KIF2A: variants seen among roughly 807,000 people sequenced by gnomAD.
KIF2A encodes kinesin-like protein KIF2A.
In KIF2A, 22 loss-of-function variants were observed where a neutral mutation model predicts 100.2. That is an observed-to-expected ratio of 0.22 (90% CI 0.16 to 0.31). The LOEUF (loss-of-function observed/expected upper bound fraction) is 0.31, where lower values mean the gene tolerates loss of function less well. Ranked by LOEUF, KIF2A falls within the 10% of genes least tolerant of loss-of-function variation. KIF2A has a pLI of 1.00. For missense variants in KIF2A, 495 were observed against 898.7 expected (o/e 0.55, Z 5.74); for synonymous variants, 268 against 285.9 (o/e 0.94, Z 0.63).
At position 62,385,779 on chromosome 5, in the gene KIF2A, G is replaced by A. The variant is rs1365526806; in HGVS notation, c.*210G>A. The A allele has an allele frequency of 1.9e-6, 1 of 529,828 alleles. No individual in the cohort carries two copies. The highest frequency in any genetic ancestry group is 3.4e-6 in the Non-Finnish European group (1 of 295,346). The allele number at this position is 529,828 out of a possible 1,614,324, so 32.8% of individuals were successfully genotyped here. A position where few individuals can be genotyped will look rare whatever the true frequency, so the allele number is the denominator to read the frequency against. On this transcript the variant is annotated 3_prime_UTR_variant, in exon 21 of 21. Coordinates refer to ENST00000407818, the MANE Select transcript of KIF2A (RefSeq NM_001098511.3). The stretch of plus-strand genomic sequence containing the variant: ...GGCACAACCAAGAACTGGGATTAAT[G>A]AAGCATTTTGTTTCATTTACACAAA...
chr5:62,352,375 G>A (rs1347575343), intron 4 of KIF2A, among the ~76,000 whole-genome samples: 2 of 151,916 alleles, frequency 1.3e-5, no homozygotes, highest in South Asian at 2.1e-4. Context: ...AAGTCTGCAC[G>A]TATTACTTTG....
intron 1 of KIF2A, among the ~76,000 whole-genome samples, chr5:62,326,828 T>C (rs988423116): frequency 6.6e-6 from 1 of 152,032 alleles, no homozygotes; most frequent in African/African-American, 2.4e-5. Context: ...AAACTCCCTC[T>C]TTACAAAAAA....
rs952874034 is a variant in KIF2A at position 62,307,888 on chromosome 5, G to T, written c.64+1352G>T. The stretch of plus-strand genomic sequence containing the variant: ...CTGCCTCGGCCTCCCAATGTGCTGG[G>T]ATTACAGGCGTGAGCCATCGCGCCT... On this transcript the variant is annotated intron_variant, in intron 1 of 20. Transcript: ENST00000407818. Among the ~76,000 whole-genome samples, 5 of 152,138 alleles carry T rather than the reference G, an allele frequency of 3.3e-5. No homozygotes were observed. The South Asian group carries it at 1.0e-3, about 31-fold the overall frequency.
At chr5:62,322,983 G>A (rs1272936603) in intron 1 of KIF2A, among the ~76,000 whole-genome samples, 6 of 138,910 alleles carry the variant, frequency 4.3e-5, no homozygotes, top group South Asian at 2.4e-4. Flanking sequence ...AAAGCCGGGC[G>A]CAGTGACTCA....
At chr5:62,352,483 G>T in intron 4 of KIF2A, 105 bp from the exon 5 acceptor site, 1 of 688,082 alleles carries the variant, frequency 1.5e-6, no homozygotes, top group Admixed American at 3.5e-5. Context: ...ACTTACTAAT[G>T]TAACTTTTAA....
chr5:62,324,449 A>G (rs1054251918), intron 1 of KIF2A, among the ~76,000 whole-genome samples: 1 of 152,196 alleles, frequency 6.6e-6, no homozygotes, highest in African/African-American at 2.4e-5. Context: ...TACTACCCCC[A>G]TTTCAAGCTG....
chr5:62,342,673 G>A (rs56095217), intron 1 of KIF2A, among the ~76,000 whole-genome samples: 37,449 of 151,936 alleles, frequency 0.25, 4,703 homozygotes, highest in Middle Eastern at 0.3. Flanking sequence ...TCTCTGCTCA[G>A]TCCTGCTTCA....
chr5:62,328,910 A>G (rs1000332390), intron 1 of KIF2A, among the ~76,000 whole-genome samples: 2 of 152,150 alleles, frequency 1.3e-5, no homozygotes, highest in African/African-American at 4.8e-5. Flanking sequence ...CTAAATAATA[A>G]TGCTACCTTA....
intron 1 of KIF2A, among the ~76,000 whole-genome samples, chr5:62,319,183 A>ACAT (rs1561248832): frequency 6.6e-6 from 1 of 151,776 alleles, no homozygotes; most frequent in Non-Finnish European, 1.5e-5. Flanking sequence ...AACAACAACA[A>ACAT]CAACAAAAAA....
chr5:62,329,642 T>G (rs1206627323), intron 1 of KIF2A, among the ~76,000 whole-genome samples: 2 of 152,244 alleles, frequency 1.3e-5, no homozygotes, highest in Admixed American at 1.3e-4. Flanking sequence ...AACATTACTG[T>G]GAATATTACT....
At position 62,362,534 on chromosome 5, in the gene KIF2A, G is replaced by C; in HGVS notation, c.1112G>C (p.Ser371Thr). Residue 371 changes from serine (S) to threonine (T), a missense_variant, in exon 12 of 21, where the codon AGT becomes ACT. Around this residue, in one of 10 missense-constraint regions of KIF2A, gnomAD observed 38 missense variants for 99.5 expected, o/e 0.38. Transcript: ENST00000407818. ...QVYATFFEIYSGKVFDLLNRK... is the reference protein window; with the variant it reads ...QVYATFFEIYTGKVFDLLNRK... ...TATGCAACCTTCTTTGAAATTTATAGTGGAAAGGTAAGTGGGAACTTTTTT... is the reference window on the plus strand; with the variant it reads ...TATGCAACCTTCTTTGAAATTTATACTGGAAAGGTAAGTGGGAACTTTTTT... 1 of 1,405,594 alleles carries C rather than the reference G, an allele frequency of 7.1e-7. No individual in the cohort carries two copies. The highest frequency in any genetic ancestry group is 9.3e-7 in the Non-Finnish European group (1 of 1,071,024). 87.1% of individuals were successfully genotyped at this position (1,405,594 alleles called of 1,614,324 possible). A position where few individuals can be genotyped will look rare whatever the true frequency, so the allele number is the denominator to read the frequency against.
chr5:62,323,871 C>CTACTCTGCAAAAA (rs1746231483), intron 1 of KIF2A, among the ~76,000 whole-genome samples: 1 of 151,940 alleles, frequency 6.6e-6, no homozygotes, highest in Non-Finnish European at 1.5e-5. Context: ...AACCTCGTCT[C>CTACTCTGCAAAAA]TACTCTGCAA....
intron 11 of KIF2A, among the ~76,000 whole-genome samples, chr5:62,361,873 A>AGG (rs1297405954): frequency 0.025 from 3,817 of 151,866 alleles, 143 homozygotes; most frequent in African/African-American, 0.084. Context: ...AATACAAAAA[A>AGG]AAACTTAGCC....
At chr5:62,323,866 C>T (rs545399321) in intron 1 of KIF2A, among the ~76,000 whole-genome samples, 50 of 152,008 alleles carry the variant, frequency 3.3e-4, no homozygotes, top group Middle Eastern at 6.8e-3. Flanking sequence ...GGCAAAACCT[C>T]GTCTCTACTC....
At chr5:62,373,964 C>T in intron 18 of KIF2A, 127 bp downstream of exon 18, 1 of 740,252 alleles carries the variant, frequency 1.4e-6, no homozygotes, top group Admixed American at 2.7e-5. Flanking sequence ...TGTAATCTCA[C>T]CAATTTGGGA....
chr5:62,330,638 A>G (rs1328093896), intron 1 of KIF2A, among the ~76,000 whole-genome samples: 5 of 152,164 alleles, frequency 3.3e-5, no homozygotes, highest in Non-Finnish European at 5.9e-5. Context: ...GAGAATGGAT[A>G]TTTATGCATG....
chr5:62,334,456 A>G lies in KIF2A; in HGVS notation c.65-12674A>G, dbSNP rs542810482. Among the ~76,000 whole-genome samples the G allele has an allele frequency of 1.7e-3, 254 of 150,194 alleles. 4 individuals are homozygous for G. The highest frequency in any genetic ancestry group is 5.6e-3 in the African/African-American group (227 of 40,822). ...TTCCTTGGCCCACCATGCCCTGCCTACTACCTTCCTGGGCCAGCCCTCACT... is the reference window on the plus strand; with the variant it reads ...TTCCTTGGCCCACCATGCCCTGCCTGCTACCTTCCTGGGCCAGCCCTCACT... On this transcript the variant is annotated intron_variant, in intron 1 of 20. Transcript: ENST00000407818.
At chr5:62,319,090 GC>G (rs34749891) in intron 1 of KIF2A, among the ~76,000 whole-genome samples, 4,472 of 152,112 alleles carry the variant, frequency 0.029, 113 homozygotes, top group South Asian at 0.056. Flanking sequence ...GGTCATGCTA[GC>G]ATTATGTCTT....
chr5:62,326,675 C>A lies in KIF2A; in HGVS notation c.64+20139C>A, dbSNP rs182271241. On this transcript the variant is annotated intron_variant, in intron 1 of 20. Coordinates refer to ENST00000407818, the MANE Select transcript of KIF2A (RefSeq NM_001098511.3). ...AGTCATTTCCATCAATATGGAAATG[C>A]TGTTATTTCTCCCATCCGAAAAAAA... is the stretch of plus-strand genomic sequence containing the variant. 1.1e-4 allele frequency among the ~76,000 whole-genome samples: 16 copies of A among 151,714 alleles called. No individual in the cohort carries two copies. The East Asian group carries it at 2.9e-3, about 28-fold the overall frequency.
Sources: gnomAD v4.1 joint callset for allele counts (sites outside exome capture counted in the v4.1 genomes callset) on GRCh38, gnomAD v4.1.1 for gene constraint, gnomAD v4.1.1 regional missense constraint, MANE v1.5 for transcripts, NCBI Gene and HGNC (gene_info 2026-07-23, HGNC 2026-07-21) for gene names.